PREX2: variants seen among roughly 807,000 people sequenced by gnomAD.
PREX2 encodes the protein phosphatidylinositol 3,4,5-trisphosphate-dependent Rac exchanger 2 protein.
Under a neutral mutation model 203.2 loss-of-function variants are expected in PREX2, and 107 were observed. That is an observed-to-expected ratio of 0.53 (90% confidence interval 0.45 to 0.62). PREX2 has a LOEUF of 0.62. Ranked by LOEUF, PREX2 falls within the 20% of genes least tolerant of loss-of-function variation. The pLI is 0.00. For synonymous variants in PREX2, 672 were observed against 663.6 expected, an observed-to-expected ratio of 1.01 and a Z score of -0.19; for missense variants, 1,777 against 1,955.9, an observed-to-expected ratio of 0.91 and a Z score of 1.72.
At position 68,134,227 on chromosome 8, in the gene PREX2, C is replaced by T. The variant is rs761455338; in HGVS notation, c.3935C>T (p.Ala1312Val). Residue 1312 changes from alanine to valine, a missense_variant, in exon 32 of 40, where the codon GCG (alanine) becomes GTG (valine). By Grantham distance (64) the Ala-to-Val change is moderately conservative (BLOSUM62 0). Transcript: ENST00000288368. ...EASRRWLDQI[A>V]NAGVLFHFQS... ...AGCAGGAGGTGGCTGGACCAGATAG[C>T]GAATGCAGGTGTTCTTTTTCACTTT... 6.8e-6 allele frequency: 11 copies of T among 1,613,976 alleles called. No individual in the cohort carries two copies. The Admixed American group carries it at 1.0e-4, about 15-fold the overall frequency.
intron 1 of PREX2, among the ~76,000 whole-genome samples, chr8:67,967,933 G>A (rs575288137): frequency 6.6e-6 from 1 of 152,130 alleles, no homozygotes; most frequent in African/African-American, 2.4e-5. Context: ...GCCTGTCGTG[G>A]GGTTGGGGGA....
chr8:68,115,021 C>CTTTTTTTTTTTTTTTTTT (rs5892137), intron 25 of PREX2, among the ~76,000 whole-genome samples: 60 of 86,832 alleles, frequency 6.9e-4, no homozygotes, highest in Non-Finnish European at 9.7e-4. Flanking sequence ...TCTTTTCTTT[C>CTTTTTTTTTTTTTTTTTT]TTTTTTTTTT....
chr8:68,192,655 T>A, intron 37 of PREX2, 130 bp downstream of exon 37: 2 of 667,540 alleles, frequency 3.0e-6, no homozygotes, highest in Non-Finnish European at 4.7e-6. Flanking sequence ...TGGAATAAGA[T>A]TTTGGACGTT....
At chr8:68,106,995 A>G (rs962857292) in intron 23 of PREX2, among the ~76,000 whole-genome samples, 2 of 152,156 alleles carry the variant, frequency 1.3e-5, no homozygotes, top group African/African-American at 2.4e-5. Context: ...TAACTCTATG[A>G]GACTCTTACT....
chr8:68,019,591 G>T lies in PREX2; in HGVS notation c.256G>T (p.Glu86Ter), dbSNP rs759461290. ...NIEDILAVHK[E>*]FLKVVEECLH... ...TGAAGACATCCTTGCAGTACATAAA[G>T]AATTCTTAAAAGTCGTGGAAGAATG... Residue 86 changes from glutamate (E) to a stop codon, truncating the protein, a stop_gained, in exon 3 of 40, where the codon GAA (glutamate) becomes TAA (stop). Coordinates refer to ENST00000288368, the MANE Select transcript of PREX2 (RefSeq NM_024870.4). LOFTEE classifies it high-confidence loss of function. 5 of 1,612,942 alleles carry T rather than the reference G, an allele frequency of 3.1e-6. No individual in the cohort carries two copies. The South Asian group carries it at 4.4e-5, about 14-fold the overall frequency.
At chr8:68,175,624 T>G (rs1319440065) in intron 35 of PREX2, among the ~76,000 whole-genome samples, 2 of 152,062 alleles carry the variant, frequency 1.3e-5, no homozygotes, top group Non-Finnish European at 2.9e-5. Context: ...CAAAAGAAAG[T>G]ATTTCTGGTG....
At chr8:68,074,411 A>T (rs1160518360) in intron 14 of PREX2, among the ~76,000 whole-genome samples, 2 of 152,216 alleles carry the variant, frequency 1.3e-5, no homozygotes, top group Admixed American at 6.5e-5. Flanking sequence ...AACTTAGACA[A>T]GTCACTCAAT....
At position 68,157,317 on chromosome 8, in the gene PREX2, C is replaced by T; in HGVS notation, c.4232-5C>T. 2.0e-6 allele frequency: 3 copies of T among 1,502,410 alleles called. No homozygotes were observed. Among genetic ancestry groups the T allele is most frequent in the Non-Finnish European group, 2.8e-6 (3 of 1,084,408 alleles). 93.1% of individuals were successfully genotyped at this position (1,502,410 alleles called of 1,614,324 possible). A position where few individuals can be genotyped will look rare whatever the true frequency, so the allele number is the denominator to read the frequency against. ...CTTGTAAAATATGTTTACTTGTTTA[C>T]ACAGCACTAGAGAGCATGGAAGGAT... On this transcript the variant is annotated splice_region_variant and splice_polypyrimidine_tract_variant and intron_variant, in intron 34 of 39. Coordinates refer to ENST00000288368, the MANE Select transcript of PREX2 (RefSeq NM_024870.4).
chr8:68,141,568 G>A (rs1461189512), intron 33 of PREX2, among the ~76,000 whole-genome samples: 1 of 152,194 alleles, frequency 6.6e-6, no homozygotes, highest in Non-Finnish European at 1.5e-5. Context: ...AGGCGAGGCA[G>A]CCCTTCAAGG....
chr8:68,061,168 G>A (rs1585748416), intron 11 of PREX2, among the ~76,000 whole-genome samples: 1 of 152,322 alleles, frequency 6.6e-6, no homozygotes, highest in East Asian at 1.9e-4. Context: ...ATTCCACCCG[G>A]AGGAAATAAC....
chr8:68,079,001 C>T (rs900433032), intron 15 of PREX2, among the ~76,000 whole-genome samples: 1 of 152,184 alleles, frequency 6.6e-6, no homozygotes, highest in African/African-American at 2.4e-5. Context: ...CTTTGGGAAA[C>T]TGCTTAGATC....
intron 39 of PREX2, among the ~76,000 whole-genome samples, chr8:68,226,286 C>T (rs1037647829): frequency 6.6e-6 from 1 of 152,128 alleles, no homozygotes; most frequent in African/African-American, 2.4e-5. Context: ...GGCCTTCACA[C>T]AGTTTTCAAT....
chr8:68,117,603 A>G (rs539133702), intron 26 of PREX2, among the ~76,000 whole-genome samples: 91 of 152,322 alleles, frequency 6.0e-4, no homozygotes, highest in African/African-American at 2.2e-3. Flanking sequence ...CCTCTAGGCT[A>G]AGATAGAAAT....
At chr8:68,002,961 A>G (rs1048663258) in intron 1 of PREX2, among the ~76,000 whole-genome samples, 36 of 152,178 alleles carry the variant, frequency 2.4e-4, no homozygotes, top group African/African-American at 8.0e-4. Context: ...AATATTGTAC[A>G]GGGGACAGAA....
At chr8:68,209,189 T>C (rs560445601) in intron 37 of PREX2, among the ~76,000 whole-genome samples, 1 of 152,278 alleles carries the variant, frequency 6.6e-6, no homozygotes, top group East Asian at 1.9e-4. Context: ...TTATTGCATT[T>C]ACTTAGTTCT....
chr8:67,969,553 T>G (rs1313264070), intron 1 of PREX2, among the ~76,000 whole-genome samples: 1 of 152,196 alleles, frequency 6.6e-6, no homozygotes, highest in African/African-American at 2.4e-5. Flanking sequence ...GCTTTTAAAC[T>G]TACTTCCTGA....
intron 35 of PREX2, among the ~76,000 whole-genome samples, chr8:68,176,084 A>G (rs1455649663): frequency 2.0e-5 from 3 of 152,168 alleles, no homozygotes; most frequent in African/African-American, 2.4e-5. Context: ...TTGTGTACAC[A>G]TTAATATTTG....
At chr8:68,133,734 C>T (rs1039136055) in intron 31 of PREX2, among the ~76,000 whole-genome samples, 1 of 151,966 alleles carries the variant, frequency 6.6e-6, no homozygotes, top group African/African-American at 2.4e-5. Context: ...AAATTGTGTC[C>T]CATCAGGTAT....
chr8:68,105,299 G>A (rs1212103831), intron 23 of PREX2: 2 of 1,367,740 alleles, frequency 1.5e-6, no homozygotes, highest in South Asian at 2.3e-5. Flanking sequence ...ATGGAAGACA[G>A]CACTGCATTC....
Sources: allele counts gnomAD v4.1 joint callset (sites outside exome capture counted in the v4.1 genomes callset), GRCh38; gene constraint gnomAD v4.1.1; transcripts MANE v1.5; gene names NCBI Gene and HGNC (gene_info 2026-07-23, HGNC 2026-07-21).